WRN: variants seen among roughly 807,000 people sequenced by gnomAD.
WRN encodes bifunctional 3'-5' exonuclease/ATP-dependent helicase WRN.
In WRN, 149 loss-of-function variants were observed where a neutral mutation model predicts 180.7. The ratio of observed to expected loss-of-function variants is 0.82; its 90% CI spans 0.72 to 0.94. WRN has a LOEUF of 0.94. Among genes scored for constraint, WRN ranks in the 40% least tolerant of loss-of-function variants. The pLI, the probability that WRN is intolerant of heterozygous loss-of-function variation, is 0.00. For synonymous variants in WRN, 548 were observed against 568.9 expected (o/e 0.96, Z 0.52); for missense variants, 1,661 against 1,700.1 (o/e 0.98, Z 0.40).
intron 24 of WRN, among the ~76,000 whole-genome samples, chr8:31,133,632 C>G (rs1802273598): frequency 6.6e-6 from 1 of 151,758 alleles, no homozygotes; most frequent in South Asian, 2.1e-4. Context: ...TTTTTAGATT[C>G]TAAATGGAGT....
chr8:31,116,229 A>G (rs1801510132), intron 19 of WRN, 125 bp from the exon 20 acceptor site: 3 of 943,290 alleles, frequency 3.2e-6, no homozygotes, highest in Non-Finnish European at 4.7e-6. Flanking sequence ...TATTTTTGAT[A>G]GGCTTTCTTC....
At chr8:31,089,570 A>G (rs1460207715) in intron 13 of WRN, among the ~76,000 whole-genome samples, 1 of 151,934 alleles carries the variant, frequency 6.6e-6, no homozygotes, top group Admixed American at 6.6e-5. Flanking sequence ...TTGATCTTAA[A>G]CATTTTTTAT....
chr8:31,108,176 G>C (rs539902420), intron 18 of WRN, among the ~76,000 whole-genome samples: 1 of 152,166 alleles, frequency 6.6e-6, no homozygotes, highest in South Asian at 2.1e-4. Context: ...TCAACTTAAA[G>C]AATACATTTT....
Position 31,141,484 on chromosome 8 carries a change from A to T in WRN, c.3022A>T (p.Lys1008Ter). ...YRRHSLFGTG[K>*]DQTESWWKAF... Reference sequence around the variant, plus strand: ...CAGGCACAGTTTATTTGGCACTGGCAAGGATCAAACAGAGAGTTGGTGGAA... The same window carrying T: ...CAGGCACAGTTTATTTGGCACTGGCTAGGATCAAACAGAGAGTTGGTGGAA... Residue 1008 changes from lysine (K) to a stop codon, truncating the protein, a stop_gained, in exon 25 of 35, where the codon AAG becomes TAG. Transcript: ENST00000298139. LOFTEE classifies it high-confidence loss of function. 1 of 1,614,194 alleles carries T rather than the reference A, an allele frequency of 6.2e-7. No individual in the cohort carries two copies. Among genetic ancestry groups the T allele is most frequent in the Non-Finnish European group, 8.5e-7 (1 of 1,180,036 alleles).
rs539664566 is a variant in WRN, at chr8:31,090,261, T to C, written c.1653-204T>C. Among the ~76,000 whole-genome samples the C allele has an allele frequency of 1.1e-4, 17 of 151,328 alleles. No homozygotes were observed. In the East Asian group the frequency reaches 3.3e-3, roughly 29 times the overall value. ...GATGTATGTAGTGAAATTTAATATA[T>C]ATACCAAATGGTAGTTGTTAGTTAG... On this transcript the variant is annotated intron_variant, in intron 13 of 34. Transcript: ENST00000298139.
chr8:31,086,717 T>G (rs1478688425), intron 11 of WRN, among the ~76,000 whole-genome samples: 1 of 152,216 alleles, frequency 6.6e-6, no homozygotes, highest in Non-Finnish European at 1.5e-5. Flanking sequence ...TAATTATTAT[T>G]TAAGGTATTG....
At chr8:31,165,908 A>G (rs917745086) in intron 33 of WRN, among the ~76,000 whole-genome samples, 2 of 152,134 alleles carry the variant, frequency 1.3e-5, no homozygotes, top group African/African-American at 4.8e-5. Context: ...TGGTTGAGAG[A>G]TGTGATCATC....
chr8:31,156,241 T>G (rs1390097978), intron 32 of WRN, among the ~76,000 whole-genome samples: 1 of 152,240 alleles, frequency 6.6e-6, no homozygotes, highest in Non-Finnish European at 1.5e-5. Context: ...TGGGGTTTCA[T>G]GTGTTAGTTT....
chr8:31,142,629 G>T lies in WRN; in HGVS notation c.3237G>T (p.Ser1079=). Reference sequence around the variant, plus strand: ...ATTTAATTTTATTATTTTTTAGTTCGAAAACTGTATCTTCGGGCACCAAAG... The same window carrying T: ...ATTTAATTTTATTATTTTTTAGTTCTAAAACTGTATCTTCGGGCACCAAAG... ...LCPKKLLLPS[S]KTVSSGTKEH... The change falls in exon 27 of 35, where the codon TCG becomes TCT. Residue 1079 remains serine, a synonymous_variant. Coordinates refer to ENST00000298139, the MANE Select transcript of WRN (RefSeq NM_000553.6). 3 of 1,592,340 alleles carry T rather than the reference G, an allele frequency of 1.9e-6. No individual in the cohort carries two copies. The highest frequency in any genetic ancestry group is 2.4e-5 in the South Asian group (2 of 84,846).
intron 1 of WRN, among the ~76,000 whole-genome samples, chr8:31,042,892 T>C (rs1811712179): frequency 6.6e-6 from 1 of 152,158 alleles, no homozygotes; most frequent in South Asian, 2.1e-4. Context: ...AGGGAATTGT[T>C]AAATTATGAT....
At chr8:31,048,626 T>C (rs908177174) in intron 1 of WRN, among the ~76,000 whole-genome samples, 1 of 152,154 alleles carries the variant, frequency 6.6e-6, no homozygotes, top group African/African-American at 2.4e-5. Context: ...ATATGTAATA[T>C]AATAAAAGAA....
intron 33 of WRN, among the ~76,000 whole-genome samples, chr8:31,161,838 C>CAAAAA (rs1157979302): frequency 0.011 from 1,102 of 97,442 alleles, 21 homozygotes; most frequent in Non-Finnish European, 0.017. Flanking sequence ...GACTCTGTCT[C>CAAAAA]AAAAAAAAAA....
At chr8:31,061,059 A>G (rs1196212869) in intron 3 of WRN, among the ~76,000 whole-genome samples, 1 of 152,074 alleles carries the variant, frequency 6.6e-6, no homozygotes, top group East Asian at 1.9e-4. Flanking sequence ...CCATCCTGTT[A>G]TTCTTTTCTC....
chr8:31,045,420 G>A (rs1202774790), intron 1 of WRN, among the ~76,000 whole-genome samples: 1 of 97,290 alleles, frequency 1.0e-5, no homozygotes, highest in African/African-American at 3.9e-5. Context: ...TTTTTTTTTT[G>A]ACTGGGAGTC....
At chr8:31,087,013 ACTT>A (rs1813558566) in intron 11 of WRN, among the ~76,000 whole-genome samples, 4 of 152,164 alleles carry the variant, frequency 2.6e-5, no homozygotes. Flanking sequence ...AAACAGAAAC[ACTT>A]CTTTCTTCTG....
At chr8:31,065,333 A>T (rs765445378) in intron 5 of WRN, among the ~76,000 whole-genome samples, 1 of 152,052 alleles carries the variant, frequency 6.6e-6, no homozygotes, top group African/African-American at 2.4e-5. Flanking sequence ...TTATTTTATC[A>T]CCCGGGTATT....
rs1177786753 is a variant in WRN, at chr8:31,124,587, T to C, written c.2696T>C (p.Met899Thr). 1.9e-6 allele frequency: 3 copies of C among 1,612,662 alleles called. No homozygotes were observed. The highest frequency in any genetic ancestry group is 2.7e-5 in the African/African-American group (2 of 74,896). Residue 899 changes from methionine (M) to threonine (T), a missense_variant, in exon 22 of 35, where the codon ATG (methionine) becomes ACG (threonine). Met to Thr is a moderately conservative substitution (Grantham distance 81). This residue lies in a region of WRN where 1,141 missense variants were observed against 1,149.4 expected (regional missense o/e 0.99). Transcript: ENST00000298139. ...TACAAATTAAAGATGATGGCAAAGATGGAAAAATATCTTCATTCTAGCAGA... is the reference window on the plus strand; with the variant it reads ...TACAAATTAAAGATGATGGCAAAGACGGAAAAATATCTTCATTCTAGCAGA... The part of the protein sequence containing the change: ...RLYKLKMMAK[M>T]EKYLHSSRCR...
At chr8:31,106,619 C>G (rs1374084260) in intron 18 of WRN, among the ~76,000 whole-genome samples, 1 of 152,152 alleles carries the variant, frequency 6.6e-6, no homozygotes, top group Admixed American at 6.5e-5. Context: ...TTCTCCCATA[C>G]TTCTCTCAGA....
chr8:31,115,817 T>A (rs756040808), intron 19 of WRN, among the ~76,000 whole-genome samples: 14 of 152,202 alleles, frequency 9.2e-5, no homozygotes, highest in Non-Finnish European at 2.1e-4. Flanking sequence ...TAACAGATGT[T>A]TTCTATAACA....
Sources: gnomAD v4.1 joint callset for allele counts (sites outside exome capture counted in the v4.1 genomes callset) on GRCh38, gnomAD v4.1.1 for gene constraint, gnomAD v4.1.1 regional missense constraint, MANE v1.5 for transcripts, NCBI Gene and HGNC (gene_info 2026-07-23, HGNC 2026-07-21) for gene names.